The following SCUBE2 variants were observed in gnomAD, a reference collection of about 807,000 sequenced individuals.
SCUBE2 encodes the protein signal peptide, CUB and EGF-like domain-containing protein 2.
A neutral mutation model predicts 125.9 loss-of-function variants in SCUBE2; 114 were observed. The observed-to-expected ratio is 0.91, with a 90% CI of 0.78 to 1.06. The LOEUF (loss-of-function observed/expected upper bound fraction) is 1.06. SCUBE2 is among the 50% of genes least tolerant of loss of function. The probability of loss-of-function intolerance (pLI) is 0.00; values close to 1 mark genes in which losing one functional copy is unlikely to be tolerated. For missense variants in SCUBE2, 1,255 were observed against 1,301.8 expected (o/e 0.96, Z 0.55); for synonymous variants, 459 against 492.9 (o/e 0.93, Z 0.91).
In SCUBE2 at chr11:9,069,427, CGCT is replaced by C. The variant is rs762019073; in HGVS notation, c.583_585del (p.Ser195del). The C allele has an allele frequency of 6.2e-7, 1 of 1,614,216 alleles. No individual in the cohort carries two copies. The highest frequency in any genetic ancestry group is 8.5e-7 in the Non-Finnish European group (1 of 1,180,022). On this transcript the variant is annotated inframe_deletion, in exon 5 of 23. Transcript: ENST00000649792. ...AAACCAGGCCTGCACTCACAGGCGA[CGCT>C]GCCCCTTGGGGCCTCCTTGCAGATG...
At chr11:9,045,606 GACAGAC>G (rs1309203779) in intron 16 of SCUBE2, among the ~76,000 whole-genome samples, 4,478 of 114,948 alleles carry the variant, frequency 0.039, 73 homozygotes, top group East Asian at 0.11. Flanking sequence ...AAGACAGACA[GACAGAC>G]ACACACACAC....
rs890257153 is a variant in SCUBE2, at chr11:9,053,815, G to A, written c.1208-56C>T. Reference sequence around the variant, plus strand: ...AGCCTGTCACTGAATGGGCTGACATGGTCCCTCCCTTGAGGAAGGAGCAGC... The same window carrying A: ...AGCCTGTCACTGAATGGGCTGACATAGTCCCTCCCTTGAGGAAGGAGCAGC... On this transcript the variant is annotated intron_variant, in intron 10 of 22. Transcript: ENST00000649792. 5.7e-6 allele frequency: 9 copies of A among 1,584,080 alleles called. No individual in the cohort carries two copies. In the African/African-American group the frequency reaches 8.1e-5, roughly 14 times the overall value.
At chr11:9,050,399 G>A (rs35641141) in intron 14 of SCUBE2, 172 of 544,914 alleles carry the variant, frequency 3.2e-4, no homozygotes, top group Non-Finnish European at 4.9e-4. Flanking sequence ...GCCCCGAAGT[G>A]TGACCCCAGA....
Position 9,033,671 on chromosome 11 carries a change from C to A in SCUBE2, c.2128G>T (p.Gly710Trp), listed in dbSNP as rs779779589. 1 of 1,613,998 alleles carries A rather than the reference C, an allele frequency of 6.2e-7. No individual in the cohort carries two copies. Among genetic ancestry groups the A allele is most frequent in the East Asian group, 2.2e-5 (1 of 44,872 alleles). Reference protein sequence around the residue: ...CEPCPRPGNSGALKTPEAWNM... With the variant: ...CEPCPRPGNSWALKTPEAWNM... ...CAAGCTTCTGGGGTCTTCAGGGCCCCAGAATTTCCTGGTCTTGGGCATGGT... is the reference window on the plus strand; with the variant it reads ...CAAGCTTCTGGGGTCTTCAGGGCCCAAGAATTTCCTGGTCTTGGGCATGGT... Residue 710 changes from glycine to tryptophan, a missense_variant, in exon 17 of 23, where the codon GGG becomes TGG. By Grantham distance (184) the Gly-to-Trp change is radical (BLOSUM62 -2). This residue lies in a region of SCUBE2 where 515 missense variants were observed against 515.7 expected (regional missense o/e 1.00). Coordinates refer to ENST00000649792, the MANE Select transcript of SCUBE2 (RefSeq NM_001367977.2).
Position 9,055,884 on chromosome 11 carries a change from C to G in SCUBE2, c.1116G>C (p.Arg372Ser). Reference sequence around the variant, plus strand: ...GGTTGATGCAGCTGTGGTCACAGGTCCTATCCAAAGAGCACTCATCCACAT... The same window carrying G: ...GGTTGATGCAGCTGTGGTCACAGGTGCTATCCAAAGAGCACTCATCCACAT... ...CQDVDECSLD[R>S]TCDHSCINHP... Residue 372 changes from arginine (R) to serine (S), a missense_variant, in exon 10 of 23, where the codon AGG (arginine) becomes AGC (serine). Arg to Ser is a moderately radical substitution (Grantham distance 110, BLOSUM62 -1). This residue lies in a region of SCUBE2 where 378 missense variants were observed against 463.1 expected (regional missense o/e 0.82). Coordinates refer to ENST00000649792, the MANE Select transcript of SCUBE2 (RefSeq NM_001367977.2). The G allele has an allele frequency of 6.2e-7, 1 of 1,614,154 alleles. No homozygotes were observed. Among genetic ancestry groups the G allele is most frequent in the Non-Finnish European group, 8.5e-7 (1 of 1,180,034 alleles).
intron 8 of SCUBE2, 117 bp downstream of exon 8, chr11:9,060,291 G>A: frequency 1.4e-6 from 1 of 737,308 alleles, no homozygotes. Flanking sequence ...TGAATCATAA[G>A]CAAATCTCGA....
chr11:9,055,690 C>T (rs1277882742), intron 10 of SCUBE2, 103 bp downstream of exon 10: 1 of 836,344 alleles, frequency 1.2e-6, no homozygotes, highest in Admixed American at 1.8e-5. Flanking sequence ...TGCAATGTAC[C>T]TTTCATACCC....
At chr11:9,025,330 C>T (rs766771126) in intron 21 of SCUBE2, 18 of 163,358 alleles carry the variant, frequency 1.1e-4, no homozygotes, top group Non-Finnish European at 2.1e-4. Context: ...CCTTTAGGAA[C>T]TCTCACTGAA....
chr11:9,050,618 G>A lies in SCUBE2; in HGVS notation c.1627C>T (p.Pro543Ser), dbSNP rs2135433686. 1.2e-6 allele frequency: 2 copies of A among 1,613,764 alleles called. No homozygotes were observed. The highest frequency in any genetic ancestry group is 1.7e-6 in the Non-Finnish European group (2 of 1,179,614). Residue 543 changes from proline (P) to serine (S), a missense_variant, in exon 14 of 23, where the codon CCA becomes TCA. Coordinates refer to ENST00000649792, the MANE Select transcript of SCUBE2 (RefSeq NM_001367977.2). Reference sequence around the variant, plus strand: ...CCTGATTCCATACCTGGTAGTGCTGGTCGCAGACCCTCGGGAAACAGCTCA... The same window carrying A: ...CCTGATTCCATACCTGGTAGTGCTGATCGCAGACCCTCGGGAAACAGCTCA... ...NAELFPEGLR[P>S]ALPEKHSSVK...
chr11:9,067,772 A>T lies in SCUBE2; in HGVS notation c.644-959T>A, dbSNP rs533356186. Among the ~76,000 whole-genome samples the T allele has an allele frequency of 2.8e-4, 43 of 152,308 alleles. No individual in the cohort carries two copies. In the East Asian group the frequency reaches 3.3e-3, roughly 12 times the overall value. On this transcript the variant is annotated intron_variant, in intron 5 of 22. Transcript: ENST00000649792. Reference sequence around the variant, plus strand: ...GTTAAAATATGTTAATGTTAAAATTAAAAAAAGTTAATAACAGAACAATAT... The same window carrying T: ...GTTAAAATATGTTAATGTTAAAATTTAAAAAAGTTAATAACAGAACAATAT...
chr11:9,025,845 T>A lies in SCUBE2; in HGVS notation c.2711A>T (p.Asn904Ile). 2 of 1,613,944 alleles carry A rather than the reference T, an allele frequency of 1.2e-6. No homozygotes were observed. The highest frequency in any genetic ancestry group is 2.2e-5 in the East Asian group (1 of 44,886). The change falls in exon 21 of 23, where the codon AAT (asparagine) becomes ATT (isoleucine). Residue 904 changes from asparagine to isoleucine, a missense_variant. Asn to Ile is a moderately radical substitution (Grantham distance 149). Around this residue, in one of 3 missense-constraint regions of SCUBE2, gnomAD observed 515 missense variants for 515.7 expected, o/e 1.00. Transcript: ENST00000649792. ...YLVMRKTSSS[N>I]SVTTYETCQT... is the part of the protein sequence containing the mutation. ...GCAGGTTTCATATGTTGTCACAGAATTGGATGAAGCTGCCAAGGGAAGTTG... is the reference window on the plus strand; with the variant it reads ...GCAGGTTTCATATGTTGTCACAGAAATGGATGAAGCTGCCAAGGGAAGTTG...
chr11:9,062,852 A>AG (rs1454633813), intron 7 of SCUBE2, among the ~76,000 whole-genome samples: 1 of 142,700 alleles, frequency 7.0e-6, no homozygotes, highest in Non-Finnish European at 1.6e-5. Flanking sequence ...GGGAGAGAAA[A>AG]GAAAAAAAAA....
chr11:9,081,058 C>T (rs969376626), intron 2 of SCUBE2, among the ~76,000 whole-genome samples: 4 of 152,158 alleles, frequency 2.6e-5, no homozygotes, highest in African/African-American at 9.7e-5. Flanking sequence ...TTCACATTCA[C>T]TAGAATGGTA....
At chr11:9,041,857 T>C in intron 16 of SCUBE2, among the ~76,000 whole-genome samples, 1 of 152,058 alleles carries the variant, frequency 6.6e-6, no homozygotes, top group South Asian at 2.1e-4. Flanking sequence ...TTGGAAATGA[T>C]CTAGCAGAGG....
chr11:9,067,371 C>A (rs1371201066), intron 5 of SCUBE2, among the ~76,000 whole-genome samples: 1 of 152,002 alleles, frequency 6.6e-6, no homozygotes, highest in African/African-American at 2.4e-5. Flanking sequence ...TGATGATAGG[C>A]CAAAAAGAAA....
intron 15 of SCUBE2, 92 bp from the exon 16 acceptor site, chr11:9,047,654 G>C (rs188582956): frequency 7.6e-7 from 1 of 1,307,880 alleles, no homozygotes. Context: ...CCAACACCCC[G>C]AGCTCCCTGT....
At chr11:9,026,740 A>T (rs917312593) in intron 20 of SCUBE2, 2 of 153,082 alleles carry the variant, frequency 1.3e-5, no homozygotes, top group African/African-American at 4.8e-5. Context: ...AGTGTTTCAC[A>T]TCTATGAACT....
chr11:9,056,734 G>T (rs182438170), intron 9 of SCUBE2, among the ~76,000 whole-genome samples: 1 of 152,296 alleles, frequency 6.6e-6, no homozygotes, highest in African/African-American at 2.4e-5. Flanking sequence ...GAATTTGAGT[G>T]CTTCACTCCC....
chr11:9,080,404 G>A (rs1861536388), intron 2 of SCUBE2, among the ~76,000 whole-genome samples: 1 of 152,152 alleles, frequency 6.6e-6, no homozygotes, highest in African/African-American at 2.4e-5. Context: ...ATCTTTGGGT[G>A]CACTTTGGGA....
Sources: gnomAD v4.1 joint callset for allele counts (sites outside exome capture counted in the v4.1 genomes callset) on GRCh38, gnomAD v4.1.1 for gene constraint, gnomAD v4.1.1 regional missense constraint, MANE v1.5 for transcripts, NCBI Gene and HGNC (gene_info 2026-07-23, HGNC 2026-07-21) for gene names.